Variants in CNTN4 observed in about 807,000 individuals in gnomAD.
CNTN4 encodes contactin-4.
Under a neutral mutation model 122.5 loss-of-function variants are expected in CNTN4, and 77 were observed. That is an observed-to-expected ratio of 0.63 (90% CI 0.52 to 0.76). CNTN4 has a LOEUF of 0.76. Among genes scored for constraint, CNTN4 ranks in the 30% least tolerant of loss-of-function variants. The pLI is 0.00. For missense variants in CNTN4, 1,256 were observed against 1,259.1 expected (o/e 1.00, Z 0.04); for synonymous variants, 512 against 447.0 (o/e 1.15, Z -1.83).
At chr3:2,104,401 T>C (rs914804560) in intron 2 of CNTN4, among the ~76,000 whole-genome samples, 15 of 152,198 alleles carry the variant, frequency 9.9e-5, no homozygotes, top group Non-Finnish European at 2.1e-4. Flanking sequence ...CAGTGACTTA[T>C]TTTAACTTTT....
At chr3:2,944,900 G>C (rs955574889) in intron 13 of CNTN4, among the ~76,000 whole-genome samples, 1 of 152,160 alleles carries the variant, frequency 6.6e-6, no homozygotes, top group African/African-American at 2.4e-5. Flanking sequence ...TGGGATTTCA[G>C]CTAGTCCCAC....
At chr3:2,998,471 C>T (rs1402234133) in intron 14 of CNTN4, among the ~76,000 whole-genome samples, 3 of 152,046 alleles carry the variant, frequency 2.0e-5, no homozygotes, top group African/African-American at 7.3e-5. Flanking sequence ...CAGGGAATGC[C>T]TACACTCAAC....
chr3:2,353,405 G>C (rs755250534), intron 3 of CNTN4, among the ~76,000 whole-genome samples: 1 of 152,146 alleles, frequency 6.6e-6, no homozygotes, highest in African/African-American at 2.4e-5. Context: ...TGGCAACCGG[G>C]TCTGGTCCCC....
intron 2 of CNTN4, among the ~76,000 whole-genome samples, chr3:2,120,389 ATATATATATATATATATTT>A (rs1441470659): frequency 1.1e-4 from 3 of 27,852 alleles, no homozygotes; most frequent in African/African-American, 9.5e-5. Context: ...ATATATATAT[ATATATATATATATATATTT>A]TTTTTTTTTT....
chr3:2,553,767 T>G (rs1054042823), intron 3 of CNTN4, among the ~76,000 whole-genome samples: 23 of 152,214 alleles, frequency 1.5e-4, no homozygotes, highest in African/African-American at 4.6e-4. Flanking sequence ...TGATATATCA[T>G]GAAAAGTTAC....
intron 2 of CNTN4, among the ~76,000 whole-genome samples, chr3:2,178,438 G>T (rs1011665246): frequency 3.3e-5 from 5 of 149,954 alleles, no homozygotes; most frequent in African/African-American, 1.2e-4. Flanking sequence ...TCATGTTCAT[G>T]TTACTGTGAT....
At chr3:2,114,181 G>A (rs1034152629) in intron 2 of CNTN4, among the ~76,000 whole-genome samples, 3 of 152,058 alleles carry the variant, frequency 2.0e-5, no homozygotes, top group Non-Finnish European at 4.4e-5. Context: ...GTGGCCAGGT[G>A]GTGGCTCACA....
chr3:2,545,714 G>C (rs900333513), intron 3 of CNTN4, among the ~76,000 whole-genome samples: 2 of 146,402 alleles, frequency 1.4e-5, no homozygotes, highest in Non-Finnish European at 3.0e-5. Context: ...TTTTCCATTT[G>C]CTTGGTAGAT....
At chr3:2,407,642 A>G (rs1479439562) in intron 3 of CNTN4, among the ~76,000 whole-genome samples, 2 of 152,144 alleles carry the variant, frequency 1.3e-5, no homozygotes, top group Non-Finnish European at 2.9e-5. Context: ...CTCCTCTGTC[A>G]TTTGAGATGT....
At chr3:2,324,626 G>A (rs554680397) in intron 2 of CNTN4, among the ~76,000 whole-genome samples, 1 of 152,134 alleles carries the variant, frequency 6.6e-6, no homozygotes, top group African/African-American at 2.4e-5. Flanking sequence ...CTATAGCCAG[G>A]ACAGGAGTAA....
intron 10 of CNTN4, among the ~76,000 whole-genome samples, chr3:2,895,445 A>G (rs1364881312): frequency 6.6e-6 from 1 of 152,238 alleles, no homozygotes; most frequent in Non-Finnish European, 1.5e-5. Flanking sequence ...ATGAATACCT[A>G]TTAATAGAAA....
chr3:2,239,728 C>A (rs1178525), intron 2 of CNTN4, among the ~76,000 whole-genome samples: 150,767 of 152,302 alleles, frequency 0.99, 74,649 homozygotes, highest in Middle Eastern at 1. Context: ...GTTACAGGGA[C>A]CAAGGGAGAA....
chr3:2,443,530 C>T (rs1174659451), intron 3 of CNTN4, among the ~76,000 whole-genome samples: 4 of 152,166 alleles, frequency 2.6e-5, no homozygotes, highest in Admixed American at 6.6e-5. Context: ...CCTCTTGTAA[C>T]GTACATATTG....
intron 3 of CNTN4, among the ~76,000 whole-genome samples, chr3:2,424,469 T>C (rs1575600007): frequency 1.3e-5 from 2 of 152,182 alleles, no homozygotes; most frequent in African/African-American, 4.8e-5. Context: ...CTATCATTGA[T>C]GGAGATTTGG....
intron 2 of CNTN4, among the ~76,000 whole-genome samples, chr3:2,157,524 A>G (rs2035772766): frequency 6.6e-6 from 1 of 152,184 alleles, no homozygotes; most frequent in Admixed American, 6.5e-5. Context: ...AAATGAAAAA[A>G]ACTTTGGAGT....
At position 2,340,710 on chromosome 3, in the gene CNTN4, T is replaced by TATATATAGAGAGAG; in HGVS notation, c.-89+1478_-89+1479insTATATAGAGAGAGA. On this transcript the variant is annotated intron_variant, in intron 3 of 24. Transcript: ENST00000418658. ...TTATATATATATATATATATATATA[T>TATATATAGAGAGAG]AGAGAGAGAGAGAGAGAGAGAGAGA... is the stretch of plus-strand genomic sequence containing the variant. Among the ~76,000 whole-genome samples, 57 of 18,308 alleles carry TATATATAGAGAGAG rather than the reference T, an allele frequency of 3.1e-3. 1 individual carries two copies. The highest frequency in any genetic ancestry group is 0.013 in the Admixed American group (11 of 850). 12.0% of individuals were successfully genotyped at this position (18,308 alleles called of 152,430 possible). A position where few individuals can be genotyped will look rare whatever the true frequency, so the allele number is the denominator to read the frequency against.
intron 2 of CNTN4, among the ~76,000 whole-genome samples, chr3:2,269,152 A>C (rs867214812): frequency 5.3e-5 from 8 of 152,254 alleles, no homozygotes; most frequent in Admixed American, 3.9e-4. Context: ...TCAAAGGTGT[A>C]CCCTTCAAAG....
At chr3:2,167,727 TG>T (rs2036264509) in intron 2 of CNTN4, among the ~76,000 whole-genome samples, 1 of 152,204 alleles carries the variant, frequency 6.6e-6, no homozygotes. Context: ...TAAAAGTAAA[TG>T]AAAACATTCG....
At chr3:2,318,618 T>A (rs552452643) in intron 2 of CNTN4, among the ~76,000 whole-genome samples, 158 of 152,228 alleles carry the variant, frequency 1.0e-3, no homozygotes, top group African/African-American at 3.7e-3. Flanking sequence ...TTTTATTTTA[T>A]ACGTCTGGTT....
Sources: gnomAD v4.1 joint callset for allele counts (sites outside exome capture counted in the v4.1 genomes callset) on GRCh38, gnomAD v4.1.1 for gene constraint, MANE v1.5 for transcripts, NCBI Gene and HGNC (gene_info 2026-07-23, HGNC 2026-07-21) for gene names.